Variants in NAA35 observed in about 807,000 individuals in gnomAD.
NAA35 encodes the protein N-alpha-acetyltransferase 35, NatC auxiliary subunit.
NAA35 carries 18 observed loss-of-function variants against 101.7 expected under a neutral mutation model. The ratio of observed to expected loss-of-function variants is 0.18; its 90% CI spans 0.12 to 0.26. NAA35 has a LOEUF of 0.26. NAA35 is among the 10% of genes least tolerant of loss of function. NAA35 has a pLI of 1.00. For missense variants in NAA35, 601 were observed against 886.8 expected, an observed-to-expected ratio of 0.68 and a Z score of 4.09; for synonymous variants, 267 against 273.1, an observed-to-expected ratio of 0.98 and a Z score of 0.22.
At chr9:86,005,568 A>T (rs1482718777) in intron 13 of NAA35, among the ~76,000 whole-genome samples, 1 of 152,218 alleles carries the variant, frequency 6.6e-6, no homozygotes, top group African/African-American at 2.4e-5. Flanking sequence ...ATCATTTTCC[A>T]TGTAGAATGC....
chr9:86,017,779 G>T (rs1320227987), intron 19 of NAA35, among the ~76,000 whole-genome samples: 1 of 152,156 alleles, frequency 6.6e-6, no homozygotes, highest in Admixed American at 6.5e-5. Context: ...GTACATTGCA[G>T]GAGATACCAA....
At position 86,001,983 on chromosome 9, in the gene NAA35, G is replaced by T. The variant is rs567293087; in HGVS notation, c.1057-1602G>T. ...GACACTAGTCTGTGTGTTTAAGTGTGTTTTTGTATTAGCTGGTAGTAGTCT... is the reference window on the plus strand; with the variant it reads ...GACACTAGTCTGTGTGTTTAAGTGTTTTTTTGTATTAGCTGGTAGTAGTCT... On this transcript the variant is annotated intron_variant, in intron 12 of 22. Coordinates refer to ENST00000361671, the MANE Select transcript of NAA35 (RefSeq NM_024635.4). 7.2e-4 allele frequency among the ~76,000 whole-genome samples: 110 copies of T among 152,244 alleles called. 1 individual carries two copies. Among genetic ancestry groups the T allele is most frequent in the Admixed American group, 6.5e-4 (10 of 15,294 alleles).
At chr9:85,971,716 T>C (rs1016409570) in intron 6 of NAA35, among the ~76,000 whole-genome samples, 17 of 152,296 alleles carry the variant, frequency 1.1e-4, no homozygotes, top group Admixed American at 1.3e-4. Context: ...TCCCAGGAAA[T>C]GGTACCATCA....
chr9:86,018,826 G>A lies in NAA35; in HGVS notation c.2037+5G>A, dbSNP rs768497977. On this transcript the variant is annotated splice_donor_5th_base_variant and intron_variant, in intron 21 of 22. Transcript: ENST00000361671. ...ATTCCTAACCCGGACCATGAGGTGAGACTGGATTCACAGTAATTCTAGGGG... is the reference window on the plus strand; with the variant it reads ...ATTCCTAACCCGGACCATGAGGTGAAACTGGATTCACAGTAATTCTAGGGG... 7.4e-6 allele frequency: 12 copies of A among 1,611,190 alleles called. No homozygotes were observed. In the African/African-American group the frequency reaches 1.6e-4, roughly 22 times the overall value.
At chr9:85,999,709 C>T (rs1831333564) in intron 12 of NAA35, among the ~76,000 whole-genome samples, 1 of 152,184 alleles carries the variant, frequency 6.6e-6, no homozygotes, top group African/African-American at 2.4e-5. Context: ...AGAGCTTGAT[C>T]AGATAGATGC....
Position 85,981,126 on chromosome 9 carries a change from G to A in NAA35, c.877+2745G>A, listed in dbSNP as rs137889697. 3.5e-4 allele frequency among the ~76,000 whole-genome samples: 54 copies of A among 152,172 alleles called. No homozygotes were observed. The East Asian group carries it at 7.3e-3, about 21-fold the overall frequency. The stretch of plus-strand genomic sequence containing the variant: ...TGTTTCTACTAGTTGTGCTGACTTT[G>A]TATGTATTTATCATCATTTTCACTT... On this transcript the variant is annotated intron_variant, in intron 11 of 22. Transcript: ENST00000361671.
At chr9:85,980,233 C>T (rs184706691) in intron 11 of NAA35, among the ~76,000 whole-genome samples, 1 of 152,294 alleles carries the variant, frequency 6.6e-6, no homozygotes, top group African/African-American at 2.4e-5. Context: ...TATCTGGAAG[C>T]TCTCTGAACT....
At chr9:85,968,563 A>G (rs1374098029) in intron 6 of NAA35, among the ~76,000 whole-genome samples, 1 of 152,170 alleles carries the variant, frequency 6.6e-6, no homozygotes, top group Non-Finnish European at 1.5e-5. Flanking sequence ...ACATTTTAAT[A>G]AAAGTACTAA....
At chr9:85,962,515 A>G (rs1302168557) in intron 6 of NAA35, among the ~76,000 whole-genome samples, 2 of 146,820 alleles carry the variant, frequency 1.4e-5, no homozygotes, top group Non-Finnish European at 1.5e-5. Context: ...AAAAAGAAAG[A>G]AAAAAGAATT....
chr9:85,991,716 T>C (rs1830919881), intron 11 of NAA35, among the ~76,000 whole-genome samples: 1 of 152,100 alleles, frequency 6.6e-6, no homozygotes. Context: ...GTGGACTGAA[T>C]GATGGTCCCA....
chr9:85,969,155 G>A (rs1278368147), intron 6 of NAA35, among the ~76,000 whole-genome samples: 1 of 151,326 alleles, frequency 6.6e-6, no homozygotes, highest in Non-Finnish European at 1.5e-5. Flanking sequence ...TGTTTTGTTA[G>A]GTCCCTTGTT....
intron 14 of NAA35, among the ~76,000 whole-genome samples, chr9:86,008,820 T>C (rs903043988): frequency 6.7e-6 from 1 of 149,950 alleles, no homozygotes; most frequent in African/African-American, 2.5e-5. Flanking sequence ...AGTTTCTCTT[T>C]ATTTTAGGAG....
chr9:86,003,720 C>A, intron 13 of NAA35, 76 bp downstream of exon 13: 1 of 846,380 alleles, frequency 1.2e-6, no homozygotes, highest in Non-Finnish European at 1.8e-6. Context: ...ATTGATTGAA[C>A]AAAAGGTAGA....
rs563054264 is a variant in NAA35, at chr9:85,978,741, G to A, written c.877+360G>A. ...TCAGCCAAGTGGAAGGATGACAGCT[G>A]TTTCTCAAATCTTCCTCCCCGAGAA... On this transcript the variant is annotated intron_variant, in intron 11 of 22. Transcript: ENST00000361671. Among the ~76,000 whole-genome samples, 25 of 152,264 alleles carry A rather than the reference G, an allele frequency of 1.6e-4. No individual in the cohort carries two copies. The South Asian group carries it at 4.4e-3, about 27-fold the overall frequency.
intron 11 of NAA35, among the ~76,000 whole-genome samples, chr9:85,978,831 G>A (rs902720483): frequency 1.3e-5 from 2 of 152,038 alleles, no homozygotes; most frequent in African/African-American, 4.8e-5. Flanking sequence ...GAGGAGATTT[G>A]TTTCAGGAAG....
chr9:85,999,103 T>A (rs1461288775), intron 12 of NAA35, among the ~76,000 whole-genome samples: 2 of 152,242 alleles, frequency 1.3e-5, no homozygotes, highest in African/African-American at 2.4e-5. Context: ...TCTGTTGCAT[T>A]TGCTTTCTTA....
chr9:85,979,381 T>C (rs1262692218), intron 11 of NAA35, among the ~76,000 whole-genome samples: 1 of 152,220 alleles, frequency 6.6e-6, no homozygotes, highest in Non-Finnish European at 1.5e-5. Context: ...TGTGGAATGC[T>C]GAGAAAAGTA....
chr9:85,985,426 A>G (rs1448961083), intron 11 of NAA35, among the ~76,000 whole-genome samples: 1 of 152,234 alleles, frequency 6.6e-6, no homozygotes, highest in Non-Finnish European at 1.5e-5. Flanking sequence ...TTTGTCAACA[A>G]AAAGAAATGA....
chr9:86,015,453 C>T (rs1159552399), intron 17 of NAA35, among the ~76,000 whole-genome samples: 1 of 152,034 alleles, frequency 6.6e-6, no homozygotes, highest in African/African-American at 2.4e-5. Context: ...AAATCATCAG[C>T]AAAAACAGTG....
Sources: gnomAD v4.1 joint callset for allele counts (sites outside exome capture counted in the v4.1 genomes callset) on GRCh38, gnomAD v4.1.1 for gene constraint, MANE v1.5 for transcripts, NCBI Gene and HGNC (gene_info 2026-07-23, HGNC 2026-07-21) for gene names.